The following DIP2C variants were observed in gnomAD, a reference collection of about 807,000 sequenced individuals.
DIP2C encodes the protein disco-interacting protein 2 homolog C.
DIP2C carries 33 observed loss-of-function variants against 192.4 expected under a neutral mutation model. The observed-to-expected ratio is 0.17, with a 90% confidence interval of 0.13 to 0.23. DIP2C has a LOEUF of 0.23. Ranked by LOEUF, DIP2C falls within the 10% of genes least tolerant of loss-of-function variation. DIP2C has a pLI of 1.00. For missense variants in DIP2C, 1,537 were observed against 2,110.1 expected (o/e 0.73, Z 5.32); for synonymous variants, 979 against 864.1 (o/e 1.13, Z -2.33).
chr10:466,668 A>C (rs2133407111), intron 3 of DIP2C, among the ~76,000 whole-genome samples: 1 of 150,550 alleles, frequency 6.6e-6, no homozygotes, highest in South Asian at 2.1e-4. Flanking sequence ...TCCAGAATCT[A>C]CAATGAACTC....
intron 17 of DIP2C, among the ~76,000 whole-genome samples, chr10:378,611 A>G (rs1397858300): frequency 5.3e-5 from 8 of 151,756 alleles, no homozygotes; most frequent in Non-Finnish European, 1.0e-4. Context: ...ATGAACAGAC[A>G]TGCATAAAGA....
At chr10:408,571 TA>T (rs1964971052) in intron 9 of DIP2C, among the ~76,000 whole-genome samples, 1 of 152,200 alleles carries the variant, frequency 6.6e-6, no homozygotes, top group Non-Finnish European at 1.5e-5. Context: ...TGTCTTTATG[TA>T]ATTCACTTGG....
chr10:404,698 G>A (rs945123929), intron 9 of DIP2C, among the ~76,000 whole-genome samples: 3 of 152,194 alleles, frequency 2.0e-5, no homozygotes, highest in Non-Finnish European at 4.4e-5. Flanking sequence ...ATCACTGGCA[G>A]ACACAAAATT....
Position 377,955 on chromosome 10 carries a change from A to T in DIP2C, c.1991+4692T>A, listed in dbSNP as rs545542106. On this transcript the variant is annotated intron_variant, in intron 17 of 36. Transcript: ENST00000280886. ...AAAAATTATGTTTTTCAGTTCAATA[A>T]ACATTTCACAACGTAGCTTTAAGAA... 1.8e-4 allele frequency among the ~76,000 whole-genome samples: 27 copies of T among 152,320 alleles called. 1 individual carries two copies. The East Asian group carries it at 5.2e-3, about 29-fold the overall frequency.
intron 1 of DIP2C, among the ~76,000 whole-genome samples, chr10:624,822 G>A (rs1255157142): frequency 6.6e-6 from 1 of 152,172 alleles, no homozygotes; most frequent in African/African-American, 2.4e-5. Context: ...GGGCACCCAC[G>A]AGAAAACTAC....
At chr10:578,822 GCACA>G (rs937114532) in intron 1 of DIP2C, among the ~76,000 whole-genome samples, 1 of 151,810 alleles carries the variant, frequency 6.6e-6, no homozygotes, top group Non-Finnish European at 1.5e-5. Context: ...TGCATAGAGA[GCACA>G]CACATCCAGA....
intron 23 of DIP2C, 80 bp downstream of exon 23, chr10:357,738 AGTCGGGTACT>A (rs1959157534): frequency 3.2e-6 from 3 of 932,036 alleles, no homozygotes; most frequent in Middle Eastern, 3.3e-4. Context: ...GGTAGGGGAC[AGTCGGGTACT>A]GTCGGGGATG....
chr10:585,056 C>T (rs1215949510), intron 1 of DIP2C, among the ~76,000 whole-genome samples: 2 of 151,974 alleles, frequency 1.3e-5, no homozygotes, highest in Non-Finnish European at 2.9e-5. Flanking sequence ...TCTCAGGGCC[C>T]ACGACCTGGC....
At position 586,775 on chromosome 10, in the gene DIP2C, T is replaced by C. The variant is rs74115068; in HGVS notation, c.86-100245A>G. On this transcript the variant is annotated intron_variant, in intron 1 of 36. Coordinates refer to ENST00000280886, the MANE Select transcript of DIP2C (RefSeq NM_014974.3). ...TCCAGGGAACGTTCTGGATCTCAGA[T>C]AGATAATGGCTTATCCACTCATGGT... Among the ~76,000 whole-genome samples, 951 of 152,344 alleles carry C rather than the reference T, an allele frequency of 6.2e-3. 13 individuals carry two copies. Among genetic ancestry groups the C allele is most frequent in the African/African-American group, 0.022 (903 of 41,574 alleles).
At chr10:554,024 C>T (rs1322190728) in intron 1 of DIP2C, among the ~76,000 whole-genome samples, 2 of 146,856 alleles carry the variant, frequency 1.4e-5, no homozygotes, top group Non-Finnish European at 1.5e-5. Context: ...TAGGAAAAAA[C>T]GTACAGCTTG....
chr10:289,502 A>C (rs948399905), intron 32 of DIP2C, among the ~76,000 whole-genome samples: 3 of 152,210 alleles, frequency 2.0e-5, no homozygotes, highest in Non-Finnish European at 4.4e-5. Context: ...TCCTGGTCTC[A>C]GATGATCCTC....
intron 1 of DIP2C, among the ~76,000 whole-genome samples, chr10:674,108 A>G (rs1234426496): frequency 6.6e-6 from 1 of 152,238 alleles, no homozygotes; most frequent in Non-Finnish European, 1.5e-5. Context: ...TAATGTCTGG[A>G]CTGTGATATC....
At chr10:601,013 G>A (rs1000893197) in intron 1 of DIP2C, among the ~76,000 whole-genome samples, 1 of 152,162 alleles carries the variant, frequency 6.6e-6, no homozygotes, top group Non-Finnish European at 1.5e-5. Context: ...CACGTTACAT[G>A]TTCACCTGAG....
At chr10:438,013 G>A (rs1028024697) in intron 4 of DIP2C, 1 of 152,184 alleles carries the variant, frequency 6.6e-6, no homozygotes, top group African/African-American at 2.4e-5. Context: ...AAATTTTTAT[G>A]ATATTGATAT....
In DIP2C at chr10:570,684, G is replaced by A. The variant is rs184230637; in HGVS notation, c.86-84154C>T. ...ACAAATTCTCACGTATTCCTGTGTAGCACCATCCAACTGATTAAAGTCTGT... is the reference window on the plus strand; with the variant it reads ...ACAAATTCTCACGTATTCCTGTGTAACACCATCCAACTGATTAAAGTCTGT... On this transcript the variant is annotated intron_variant, in intron 1 of 36. Coordinates refer to ENST00000280886, the MANE Select transcript of DIP2C (RefSeq NM_014974.3). Among the ~76,000 whole-genome samples, 204 of 152,298 alleles carry A rather than the reference G, an allele frequency of 1.3e-3. 2 individuals carry two copies. Among genetic ancestry groups the A allele is most frequent in the Non-Finnish European group, 2.3e-3 (159 of 68,022 alleles).
rs1216389369 is a variant in DIP2C at position 418,065 on chromosome 10, T to C, written c.739+1000A>G. Among the ~76,000 whole-genome samples, 3 of 14,052 alleles carry C rather than the reference T, an allele frequency of 2.1e-4. 1 individual carries two copies. Among genetic ancestry groups the C allele is most frequent in the African/African-American group, 5.3e-4 (3 of 5,662 alleles). The allele number at this position is 14,052 out of a possible 152,430, so 9.2% of individuals were successfully genotyped here. A position where few individuals can be genotyped will look rare whatever the true frequency, so the allele number is the denominator to read the frequency against. ...CTGTCAGGGCTTCGATAGGCCTCCC[T>C]GTTCACTGCACCTGTCAGGCCTCAG... is the stretch of plus-strand genomic sequence containing the variant. On this transcript the variant is annotated intron_variant, in intron 6 of 36. Transcript: ENST00000280886.
chr10:287,237 C>T (rs926341296), intron 33 of DIP2C, among the ~76,000 whole-genome samples: 2 of 152,140 alleles, frequency 1.3e-5, no homozygotes, highest in African/African-American at 4.8e-5. Context: ...GCATGAGACA[C>T]TGGCTCTGGC....
At chr10:477,917 C>T (rs1356081577) in intron 2 of DIP2C, among the ~76,000 whole-genome samples, 2 of 86,256 alleles carry the variant, frequency 2.3e-5, no homozygotes, top group Admixed American at 1.6e-4. Flanking sequence ...AAAGAAAAGA[C>T]AGGAAAAGAG....
At chr10:637,025 G>A (rs1224214536) in intron 1 of DIP2C, among the ~76,000 whole-genome samples, 5 of 152,238 alleles carry the variant, frequency 3.3e-5, no homozygotes, top group African/African-American at 1.2e-4. Flanking sequence ...GCGGGCAGCC[G>A]AGACACCTGG....
Sources: gnomAD v4.1 joint callset for allele counts (sites outside exome capture counted in the v4.1 genomes callset) on GRCh38, gnomAD v4.1.1 for gene constraint, MANE v1.5 for transcripts, NCBI Gene and HGNC (gene_info 2026-07-23, HGNC 2026-07-21) for gene names.